Variants in RBMS1 observed in about 807,000 individuals in gnomAD.
RBMS1 encodes the protein RNA binding motif single stranded interacting protein 1.
Under a neutral mutation model 62.3 loss-of-function variants are expected in RBMS1, and 17 were observed. The ratio of observed to expected loss-of-function variants is 0.27; its 90% CI spans 0.19 to 0.41. The LOEUF (loss-of-function observed/expected upper bound fraction) is 0.41, where lower values mean the gene tolerates loss of function less well. Among genes scored for constraint, RBMS1 ranks in the 10% least tolerant of loss-of-function variants. RBMS1 has a pLI of 1.00. For missense variants in RBMS1, 334 were observed against 504.5 expected (o/e 0.66, Z 3.24); for synonymous variants, 172 against 170.0 (o/e 1.01, Z -0.09).
intron 1 of RBMS1, among the ~76,000 whole-genome samples, chr2:160,368,327 T>C (rs1243839038): frequency 1.3e-5 from 2 of 152,194 alleles, no homozygotes; most frequent in Non-Finnish European, 2.9e-5. Flanking sequence ...AAATATACTG[T>C]ACTAACTCAA....
At chr2:160,428,308 C>T (rs1270350575) in intron 1 of RBMS1, among the ~76,000 whole-genome samples, 1 of 152,022 alleles carries the variant, frequency 6.6e-6, no homozygotes, top group African/African-American at 2.4e-5. Flanking sequence ...CGGATGTAAT[C>T]GAGACCACAA....
intron 7 of RBMS1, among the ~76,000 whole-genome samples, chr2:160,286,419 C>T (rs1181814682): frequency 6.7e-6 from 1 of 150,134 alleles, no homozygotes; most frequent in African/African-American, 2.5e-5. Flanking sequence ...TCCCGGGCTG[C>T]AGCGATTCTC....
At chr2:160,470,630 T>G (rs1419157093) in intron 1 of RBMS1, among the ~76,000 whole-genome samples, 2 of 130,878 alleles carry the variant, frequency 1.5e-5, no homozygotes, top group East Asian at 6.5e-4. Context: ...TGGACAGAAA[T>G]TAGGTCTATT....
chr2:160,347,666 T>C (rs1366037227), intron 2 of RBMS1, among the ~76,000 whole-genome samples: 3 of 152,112 alleles, frequency 2.0e-5, no homozygotes, highest in Admixed American at 2.0e-4. Flanking sequence ...TGTCTACCAA[T>C]TTCTATCTGT....
chr2:160,493,066 C>T lies in RBMS1; in HGVS notation c.75+223G>A, dbSNP rs902489543. ...GGCTCTTTCCTGTCTAGTCTCTCCC[C>T]CCGCGGCTTTCTGTAACCCGATCCC... On this transcript the variant is annotated intron_variant, in intron 1 of 13. Transcript: ENST00000348849. 3 of 518,672 alleles carry T rather than the reference C, an allele frequency of 5.8e-6. No homozygotes were observed. The East Asian group carries it at 1.0e-4, about 18-fold the overall frequency. The allele number at this position is 518,672 out of a possible 1,614,324, so 32.1% of individuals were successfully genotyped here. A position where few individuals can be genotyped will look rare whatever the true frequency, so the allele number is the denominator to read the frequency against.
chr2:160,377,233 CA>C (rs1694048339), intron 1 of RBMS1, among the ~76,000 whole-genome samples: 1 of 152,098 alleles, frequency 6.6e-6, no homozygotes, highest in Admixed American at 6.5e-5. Context: ...TTACCAAATA[CA>C]ATGTACCCTA....
rs770186907 is a variant in RBMS1 at position 160,477,023 on chromosome 2, CT to C, written c.75+16265del. On this transcript the variant is annotated intron_variant, in intron 1 of 13. Coordinates refer to ENST00000348849, the MANE Select transcript of RBMS1 (RefSeq NM_016836.4). ...TTGTGACTTTCTCAGTCTTTTTCCC[CT>C]AGCATTAAATGTTATACAGCATAGT... Among the ~76,000 whole-genome samples the C allele has an allele frequency of 5.9e-5, 9 of 152,172 alleles. No homozygotes were observed. The South Asian group carries it at 1.9e-3, about 31-fold the overall frequency.
At chr2:160,376,865 T>G (rs1360456250) in intron 1 of RBMS1, among the ~76,000 whole-genome samples, 1 of 152,194 alleles carries the variant, frequency 6.6e-6, no homozygotes, top group Non-Finnish European at 1.5e-5. Flanking sequence ...CTTACTTTAT[T>G]GCCTGTGTTG....
Position 160,491,062 on chromosome 2 carries a change from A to T in RBMS1, c.75+2227T>A, listed in dbSNP as rs60603736. Among the ~76,000 whole-genome samples the T allele has an allele frequency of 9.4e-5, 14 of 148,578 alleles. No individual in the cohort carries two copies. In the South Asian group the frequency reaches 1.7e-3, roughly 18 times the overall value. On this transcript the variant is annotated intron_variant, in intron 1 of 13. Transcript: ENST00000348849. ...TACAAATCAAAGTCTTTTTTTTTTTAAATGATTCAACATTACTACCATGCT... is the reference window on the plus strand; with the variant it reads ...TACAAATCAAAGTCTTTTTTTTTTTTAATGATTCAACATTACTACCATGCT...
intron 2 of RBMS1, among the ~76,000 whole-genome samples, chr2:160,326,591 T>A (rs962083961): frequency 2.0e-5 from 3 of 152,164 alleles, no homozygotes; most frequent in African/African-American, 7.2e-5. Flanking sequence ...ACTGGAGGAT[T>A]TGGAACTGTA....
intron 1 of RBMS1, among the ~76,000 whole-genome samples, chr2:160,389,613 G>A (rs1189804761): frequency 2.9e-5 from 4 of 139,736 alleles, no homozygotes; most frequent in Non-Finnish European, 3.0e-5. Context: ...CAGGAGAATC[G>A]CTTGAACCCA....
At chr2:160,388,840 A>C (rs1457430873) in intron 1 of RBMS1, among the ~76,000 whole-genome samples, 1 of 152,198 alleles carries the variant, frequency 6.6e-6, no homozygotes, top group Non-Finnish European at 1.5e-5. Context: ...CAGGTCTACA[A>C]ACTTTATTGG....
intron 1 of RBMS1, among the ~76,000 whole-genome samples, chr2:160,490,245 A>G (rs1244780670): frequency 6.6e-6 from 1 of 151,994 alleles, no homozygotes; most frequent in East Asian, 1.9e-4. Flanking sequence ...GCTACATTTC[A>G]GAATGAATGT....
At chr2:160,439,839 G>A (rs552538810) in intron 1 of RBMS1, among the ~76,000 whole-genome samples, 5,133 of 152,224 alleles carry the variant, frequency 0.034, 116 homozygotes, top group Non-Finnish European at 0.051. Flanking sequence ...GATCACTCGC[G>A]GTTAGGAGCT....
intron 4 of RBMS1, among the ~76,000 whole-genome samples, chr2:160,310,709 G>A (rs1262657350): frequency 2.3e-5 from 3 of 131,112 alleles, no homozygotes; most frequent in Non-Finnish European, 5.0e-5. Flanking sequence ...TTCCGAGTGT[G>A]CCCTAAAAGT....
At chr2:160,288,251 C>T (rs971034901) in intron 6 of RBMS1, among the ~76,000 whole-genome samples, 3 of 152,136 alleles carry the variant, frequency 2.0e-5, no homozygotes, top group African/African-American at 7.2e-5. Flanking sequence ...TTACTACTTT[C>T]AAGTTCTGTT....
intron 1 of RBMS1, among the ~76,000 whole-genome samples, chr2:160,483,566 G>C (rs1685457596): frequency 6.6e-6 from 1 of 152,122 alleles, no homozygotes; most frequent in African/African-American, 2.4e-5. Context: ...ATAATCTACA[G>C]CATTAAGAGG....
intron 5 of RBMS1, chr2:160,302,386 G>C (rs1689254171): frequency 6.6e-6 from 1 of 150,494 alleles, no homozygotes; most frequent in South Asian, 2.1e-4. Context: ...GTAGAGAAAG[G>C]GTCTCACTAT....
At chr2:160,333,975 A>G (rs1040561395) in intron 2 of RBMS1, among the ~76,000 whole-genome samples, 5 of 152,144 alleles carry the variant, frequency 3.3e-5, no homozygotes, top group African/African-American at 1.2e-4. Context: ...GCATGAAAAC[A>G]TGAGTGGTAC....
Sources: allele counts gnomAD v4.1 joint callset (sites outside exome capture counted in the v4.1 genomes callset), GRCh38; gene constraint gnomAD v4.1.1; transcripts MANE v1.5; gene names NCBI Gene and HGNC (gene_info 2026-07-23, HGNC 2026-07-21).